Variants in LRP5 observed in about 807,000 individuals in gnomAD.
LRP5 encodes low-density lipoprotein receptor-related protein 5.
In LRP5, 62 loss-of-function variants were observed where a neutral mutation model predicts 154.1. The observed-to-expected ratio is 0.40, with a 90% confidence interval of 0.33 to 0.50. The LOEUF (loss-of-function observed/expected upper bound fraction) is 0.50, where lower values mean the gene tolerates loss of function less well. LRP5 is among the 20% of genes least tolerant of loss of function. The pLI is 0.55. For missense variants in LRP5, 1,915 were observed against 2,336.7 expected (o/e 0.82, Z 3.72); for synonymous variants, 966 against 1,011.5 (o/e 0.96, Z 0.85).
At position 68,414,031 on chromosome 11, in the gene LRP5, C is replaced by G; in HGVS notation, c.2827+19C>G. 1 of 1,598,418 alleles carries G rather than the reference C, an allele frequency of 6.3e-7. No homozygotes were observed. The highest frequency in any genetic ancestry group is 8.5e-7 in the Non-Finnish European group (1 of 1,177,244). ...TGCAGCCGTAAGTGCCTCATGGTCC[C>G]CCGCACCTCACTCCCTCGTTAGATC... On this transcript the variant is annotated intron_variant, in intron 12 of 22. Coordinates refer to ENST00000294304, the MANE Select transcript of LRP5 (RefSeq NM_002335.4).
chr11:68,391,204 C>T (rs1372807990), intron 7 of LRP5, among the ~76,000 whole-genome samples: 2 of 152,202 alleles, frequency 1.3e-5, no homozygotes, highest in Non-Finnish European at 2.9e-5. Flanking sequence ...CCTGGTCTCA[C>T]ATGATCCACC....
At position 68,357,837 on chromosome 11, in the gene LRP5, G is replaced by A. The variant is rs1393385884; in HGVS notation, c.676G>A (p.Gly226Ser). ...CTTCATCCACCGTGCCAACCTGGAC[G>A]GCTCGTTCCGGTAGGTACCCACGCA... ...LSFIHRANLDGSFRQKVVEGS... is the reference protein window; with the variant it reads ...LSFIHRANLDSSFRQKVVEGS... Residue 226 changes from glycine (G) to serine (S), a missense_variant, in exon 3 of 23, where the codon GGC becomes AGC. Around this residue, in one of 3 missense-constraint regions of LRP5, gnomAD observed 773 missense variants for 1,100.9 expected, o/e 0.70. Transcript: ENST00000294304. 3 of 1,611,820 alleles carry A rather than the reference G, an allele frequency of 1.9e-6. No individual in the cohort carries two copies. Among genetic ancestry groups the A allele is most frequent in the East Asian group, 2.2e-5 (1 of 44,734 alleles).
chr11:68,358,561 C>T (rs1298257091), intron 3 of LRP5, among the ~76,000 whole-genome samples: 1 of 152,178 alleles, frequency 6.6e-6, no homozygotes, highest in South Asian at 2.1e-4. Flanking sequence ...CCACCCTGGC[C>T]CTATCCCAGC....
At chr11:68,334,892 G>A (rs1367723707) in intron 1 of LRP5, among the ~76,000 whole-genome samples, 6 of 151,836 alleles carry the variant, frequency 4.0e-5, no homozygotes, top group Non-Finnish European at 7.4e-5. Flanking sequence ...TAAAATAAAA[G>A]TGTGAGTATA....
chr11:68,358,928 G>T (rs1053166072), intron 3 of LRP5, among the ~76,000 whole-genome samples: 7 of 152,244 alleles, frequency 4.6e-5, no homozygotes, highest in Admixed American at 3.9e-4. Context: ...GATGTGGCAG[G>T]TGTCTGTGCA....
chr11:68,435,971 C>T (rs1371873140), intron 18 of LRP5, among the ~76,000 whole-genome samples: 1 of 152,204 alleles, frequency 6.6e-6, no homozygotes, highest in African/African-American at 2.4e-5. Flanking sequence ...AGTGATCCAC[C>T]TACCTCGGCC....
upstream of LRP5, among the ~76,000 whole-genome samples, chr11:68,308,477 T>G (rs1189700486): frequency 1.3e-5 from 2 of 152,180 alleles, no homozygotes; most frequent in African/African-American, 2.4e-5. Context: ...TTTCCAAATT[T>G]GAGGCCTAAG....
chr11:68,444,673 A>T (rs767486860), intron 21 of LRP5, among the ~76,000 whole-genome samples: 1 of 149,802 alleles, frequency 6.7e-6, no homozygotes, highest in Non-Finnish European at 1.5e-5. Context: ...GCACTGGTGG[A>T]TCTTGCCAGA....
chr11:68,306,279 G>GCAC, the LRP5 span, among the ~76,000 whole-genome samples: 1 of 152,066 alleles, frequency 6.6e-6, no homozygotes, highest in Non-Finnish European at 1.5e-5. Context: ...GGGATTATAG[G>GCAC]CACCCGCCAC....
chr11:68,424,925 T>C (rs1444405286), intron 14 of LRP5, among the ~76,000 whole-genome samples, 177 bp from the exon 15 acceptor site: 1 of 152,238 alleles, frequency 6.6e-6, no homozygotes, highest in Non-Finnish European at 1.5e-5. Context: ...ATTCTGAGGT[T>C]CTGGGGTGAG....
intron 13 of LRP5, among the ~76,000 whole-genome samples, chr11:68,419,157 G>A (rs1216752976): frequency 6.6e-6 from 1 of 152,102 alleles, no homozygotes; most frequent in Non-Finnish European, 1.5e-5. Flanking sequence ...ATTGGCCGAG[G>A]TTTTGTTTTC....
intron 5 of LRP5, among the ~76,000 whole-genome samples, chr11:68,381,084 G>A (rs2098640008): frequency 6.6e-6 from 1 of 151,952 alleles, no homozygotes; most frequent in East Asian, 1.9e-4. Context: ...CTGACACTCA[G>A]GGGTGAAGGC....
At position 68,446,430 on chromosome 11, in the gene LRP5, C is replaced by T. The variant is rs377737536; in HGVS notation, c.4489-6C>T. On this transcript the variant is annotated splice_region_variant and splice_polypyrimidine_tract_variant and intron_variant, in intron 21 of 22. Transcript: ENST00000294304. ...CTCTAAGTCACCCTGGCTTGGCTCT[C>T]CTCAGATCCTGAACCCGCCGCCCTC... 81 of 1,603,544 alleles carry T rather than the reference C, an allele frequency of 5.1e-5. No homozygotes were observed. Among genetic ancestry groups the T allele is most frequent in the Middle Eastern group, 3.3e-4 (2 of 6,072 alleles).
intron 5 of LRP5, among the ~76,000 whole-genome samples, chr11:68,385,125 G>C (rs553400146): frequency 1.3e-5 from 2 of 152,350 alleles, no homozygotes; most frequent in East Asian, 3.9e-4. Flanking sequence ...CCCTCAGCTA[G>C]AGAGGGGGCT....
At chr11:68,391,770 C>T (rs1209147253) in intron 7 of LRP5, among the ~76,000 whole-genome samples, 1 of 152,262 alleles carries the variant, frequency 6.6e-6, no homozygotes, top group Admixed American at 6.5e-5. Flanking sequence ...CCCCGCTACC[C>T]GTGGGAGCAG....
At chr11:68,365,194 A>C (rs1269986546) in intron 4 of LRP5, among the ~76,000 whole-genome samples, 2 of 152,162 alleles carry the variant, frequency 1.3e-5, no homozygotes, top group Admixed American at 1.3e-4. Context: ...CAGCCTTTGC[A>C]GAGGGGTGTC....
intron 1 of LRP5, among the ~76,000 whole-genome samples, chr11:68,346,104 C>T (rs373624942): frequency 1.3e-5 from 2 of 152,274 alleles, no homozygotes; most frequent in Admixed American, 6.5e-5. Context: ...GAAATATTTT[C>T]TCTCATTCTG....
intron 5 of LRP5, among the ~76,000 whole-genome samples, chr11:68,383,767 G>C (rs142069955): frequency 6.6e-6 from 1 of 152,238 alleles, no homozygotes; most frequent in Non-Finnish European, 1.5e-5. Flanking sequence ...ATCCACTGGG[G>C]TGTGGGGAGG....
chr11:68,334,142 G>C (rs931802173), intron 1 of LRP5, among the ~76,000 whole-genome samples: 1 of 152,192 alleles, frequency 6.6e-6, no homozygotes, highest in South Asian at 2.1e-4. Flanking sequence ...GCTGAGGCAG[G>C]AGAATCACTT....
Sources: gnomAD v4.1 joint callset for allele counts (sites outside exome capture counted in the v4.1 genomes callset) on GRCh38, gnomAD v4.1.1 for gene constraint, gnomAD v4.1.1 regional missense constraint, MANE v1.5 for transcripts, NCBI Gene and HGNC (gene_info 2026-07-23, HGNC 2026-07-21) for gene names.